Variants in NDST4 observed in about 807,000 individuals in gnomAD.
The protein encoded by NDST4 is N-deacetylase and N-sulfotransferase 4, also known as N-heparan sulfate sulfotransferase 4.
In NDST4, 63 loss-of-function variants were observed where a neutral mutation model predicts 100.8. The observed-to-expected ratio is 0.62, with a 90% CI of 0.51 to 0.77. NDST4 has a LOEUF of 0.77. Among genes scored for constraint, NDST4 ranks in the 30% least tolerant of loss-of-function variants. The pLI is 0.00. For missense variants in NDST4, 943 were observed against 1,018.4 expected (o/e 0.93, Z 1.01); for synonymous variants, 377 against 361.8 (o/e 1.04, Z -0.48).
intron 2 of NDST4, among the ~76,000 whole-genome samples, chr4:115,028,748 T>C (rs573320731): frequency 1.3e-5 from 2 of 152,200 alleles, no homozygotes; most frequent in African/African-American, 4.8e-5. Context: ...TTGGAGCACT[T>C]AGCAAGAACA....
rs1173210084 is a variant in NDST4, at chr4:115,008,420, C to T, written c.979-31146G>A. ...TGGTGACAAAATCACTCAGCATTTG[C>T]TTGTCTGTAAAGTATTTTATTTCTC... On this transcript the variant is annotated intron_variant, in intron 2 of 13. Transcript: ENST00000264363. Among the ~76,000 whole-genome samples the T allele has an allele frequency of 9.3e-5, 12 of 128,816 alleles. 4 individuals are homozygous for T. Among genetic ancestry groups the T allele is most frequent in the African/African-American group, 1.8e-4 (6 of 33,956 alleles). 84.5% of individuals were successfully genotyped at this position (128,816 alleles called of 152,430 possible). A position where few individuals can be genotyped will look rare whatever the true frequency, so the allele number is the denominator to read the frequency against.
At position 114,972,946 on chromosome 4, in the gene NDST4, A is replaced by G. The variant is rs1314021296; in HGVS notation, c.1067-2362T>C. On this transcript the variant is annotated intron_variant, in intron 3 of 13. Transcript: ENST00000264363. ...GTTAATTTATAAACACCCTCAAAAA[A>G]GCTGAGAGTAACGTTTAAGACTTTC... Among the ~76,000 whole-genome samples, 15 of 152,098 alleles carry G rather than the reference A, an allele frequency of 9.9e-5. No homozygotes were observed. In the South Asian group the frequency reaches 2.9e-3, roughly 29 times the overall value.
chr4:114,836,280 G>C (rs1453155736), intron 11 of NDST4, among the ~76,000 whole-genome samples: 6 of 152,106 alleles, frequency 3.9e-5, no homozygotes, highest in African/African-American at 9.7e-5. Context: ...TAGTGCTTCT[G>C]TCAGGAGCTC....
At chr4:114,855,635 G>A (rs1329909426) in intron 7 of NDST4, among the ~76,000 whole-genome samples, 3 of 152,066 alleles carry the variant, frequency 2.0e-5, no homozygotes, top group African/African-American at 7.2e-5. Flanking sequence ...TGGTCTATGT[G>A]TCTATTTGCA....
Position 114,935,989 on chromosome 4 carries a change from GT to G in NDST4, c.1408-656del, listed in dbSNP as rs201937733. Among the ~76,000 whole-genome samples the G allele has an allele frequency of 1.8e-3, 264 of 145,996 alleles. 2 individuals are homozygous for G. The highest frequency in any genetic ancestry group is 2.4e-3 in the Non-Finnish European group (158 of 66,128). Reference sequence around the variant, plus strand: ...GGACAAATGCATCTAATTGCCTACAGTTTTTTTTTTCAAAATTATTTGCTTA... The same window carrying G: ...GGACAAATGCATCTAATTGCCTACAGTTTTTTTTTCAAAATTATTTGCTTA... On this transcript the variant is annotated intron_variant, in intron 5 of 13. Transcript: ENST00000264363.
intron 2 of NDST4, among the ~76,000 whole-genome samples, chr4:115,031,390 T>A (rs35758538): frequency 0.13 from 20,343 of 152,052 alleles, 1,739 homozygotes; most frequent in East Asian, 0.41. Flanking sequence ...AGTGGAATTT[T>A]TGCAAGGTGA....
intron 2 of NDST4, among the ~76,000 whole-genome samples, chr4:115,034,982 C>T (rs1728201206): frequency 6.6e-6 from 1 of 152,058 alleles, no homozygotes; most frequent in African/African-American, 2.4e-5. Context: ...AAAGCTCATT[C>T]CACCTTCTCC....
intron 7 of NDST4, among the ~76,000 whole-genome samples, chr4:114,856,626 GA>G (rs1238476630): frequency 3.3e-5 from 5 of 152,150 alleles, no homozygotes; most frequent in African/African-American, 7.2e-5. Context: ...GATCCATTAA[GA>G]AATGCTTAGG....
chr4:114,827,982 A>G, intron 13 of NDST4, 47 bp from the exon 14 acceptor site: 1 of 1,550,184 alleles, frequency 6.5e-7, no homozygotes, highest in East Asian at 2.3e-5. Context: ...TTGTTTCATC[A>G]AACAGGATAT....
At chr4:114,833,745 A>C (rs201351129) in intron 11 of NDST4, 30 bp from the exon 12 acceptor site, 1 of 1,442,348 alleles carries the variant, frequency 6.9e-7, no homozygotes, top group East Asian at 2.3e-5. Context: ...CACTTTATGA[A>C]GAAAAAAATT....
intron 2 of NDST4, among the ~76,000 whole-genome samples, chr4:115,047,041 C>G (rs1210297560): frequency 6.6e-6 from 1 of 151,852 alleles, no homozygotes; most frequent in Non-Finnish European, 1.5e-5. Flanking sequence ...TGAATATTTC[C>G]CAAGACTTCT....
chr4:114,931,336 A>G (rs1466891018), intron 6 of NDST4, among the ~76,000 whole-genome samples: 1 of 151,820 alleles, frequency 6.6e-6, no homozygotes, highest in African/African-American at 2.4e-5. Context: ...TTTACCAGCT[A>G]GTTTTGTGAA....
At position 114,839,520 on chromosome 4, in the gene NDST4, GC is replaced by G; in HGVS notation, c.2143del (p.Ala715LeufsTer2). 6.2e-7 allele frequency: 1 copy of G among 1,613,656 alleles called. No homozygotes were observed. Among genetic ancestry groups the G allele is most frequent in the Non-Finnish European group, 8.5e-7 (1 of 1,179,808 alleles). ...AACTTCATAGAAATTGAACCTCAGA[GC>G]AGCTGGATCTTCATGTGATCGTTGG... ...QHQRSHEDPA[A>X]LRFNFYEVIS... On this transcript the variant is annotated frameshift_variant, in exon 11 of 14. Transcript: ENST00000264363. LOFTEE classifies it high-confidence loss of function.
At chr4:114,893,507 T>G (rs1365564729) in intron 6 of NDST4, among the ~76,000 whole-genome samples, 1 of 152,150 alleles carries the variant, frequency 6.6e-6, no homozygotes, top group African/African-American at 2.4e-5. Flanking sequence ...GATGTTGATC[T>G]TTTTTTCATA....
At chr4:115,018,429 G>A (rs1307725609) in intron 2 of NDST4, among the ~76,000 whole-genome samples, 1 of 151,810 alleles carries the variant, frequency 6.6e-6, no homozygotes, top group African/African-American at 2.4e-5. Context: ...TTAATAATAT[G>A]TATTTTAATA....
At chr4:114,864,333 G>C (rs767213660) in intron 7 of NDST4, among the ~76,000 whole-genome samples, 7 of 152,042 alleles carry the variant, frequency 4.6e-5, no homozygotes, top group Non-Finnish European at 8.8e-5. Flanking sequence ...TTCCCCTGAC[G>C]GTTTAAAGAA....
intron 2 of NDST4, among the ~76,000 whole-genome samples, chr4:115,054,458 C>A (rs1312991328): frequency 1.3e-5 from 2 of 151,942 alleles, no homozygotes; most frequent in African/African-American, 4.8e-5. Flanking sequence ...TACACTGATA[C>A]AATAAGAAAT....
intron 6 of NDST4, among the ~76,000 whole-genome samples, chr4:114,894,546 T>C (rs1377996817): frequency 6.6e-6 from 1 of 152,214 alleles, no homozygotes; most frequent in Non-Finnish European, 1.5e-5. Flanking sequence ...TGTTTGCCTA[T>C]TGTTGCTGTA....
At chr4:114,850,151 C>T (rs1183990709) in intron 8 of NDST4, among the ~76,000 whole-genome samples, 3 of 151,942 alleles carry the variant, frequency 2.0e-5, no homozygotes, top group Admixed American at 6.6e-5. Flanking sequence ...GTTTAATATT[C>T]CTAAGGTATT....
Sources: allele counts gnomAD v4.1 joint callset (sites outside exome capture counted in the v4.1 genomes callset), GRCh38; gene constraint gnomAD v4.1.1; transcripts MANE v1.5; gene names NCBI Gene and HGNC (gene_info 2026-07-23, HGNC 2026-07-21).